The following WWOX variants were observed in gnomAD, a reference collection of about 807,000 sequenced individuals.
The protein encoded by WWOX is WW domain containing oxidoreductase, also known as WW domain-containing oxidoreductase.
Under a neutral mutation model 46.2 loss-of-function variants are expected in WWOX, and 69 were observed. The observed-to-expected ratio is 1.49, with a 90% CI of 1.23 to 1.82. WWOX has a LOEUF of 1.82. WWOX is among the 40% of genes most tolerant of loss of function. The probability of loss-of-function intolerance (pLI) is 0.00; values close to 1 mark genes in which losing one functional copy is unlikely to be tolerated. For synonymous variants in WWOX, 359 were observed against 202.6 expected (o/e 1.77, Z -6.56); for missense variants, 919 against 542.6 (o/e 1.69, Z -6.89).
At chr16:78,530,508 G>T (rs1352463669) in intron 8 of WWOX, among the ~76,000 whole-genome samples, 1 of 152,180 alleles carries the variant, frequency 6.6e-6, no homozygotes, top group South Asian at 2.1e-4. Context: ...TCCAACTGTG[G>T]TCTCTAATTT....
intron 8 of WWOX, among the ~76,000 whole-genome samples, chr16:78,903,006 A>G (rs557944270): frequency 6.6e-6 from 1 of 152,322 alleles, no homozygotes; most frequent in South Asian, 2.1e-4. Flanking sequence ...GGTTCTTGGC[A>G]TTTTGAAGAA....
intron 8 of WWOX, among the ~76,000 whole-genome samples, chr16:79,127,600 G>A (rs1206745503): frequency 2.0e-5 from 3 of 152,156 alleles, no homozygotes; most frequent in African/African-American, 7.2e-5. Context: ...CTTCCCACGT[G>A]CATGCATGTA....
intron 8 of WWOX, among the ~76,000 whole-genome samples, chr16:78,880,526 A>G (rs2044321561): frequency 6.6e-6 from 1 of 152,268 alleles, no homozygotes; most frequent in South Asian, 2.1e-4. Flanking sequence ...AATTAAGCAC[A>G]TAAGATGAAC....
chr16:79,090,280 CGTGTGTGTGTGT>C (rs61538157), intron 8 of WWOX, among the ~76,000 whole-genome samples: 13 of 138,378 alleles, frequency 9.4e-5, no homozygotes, highest in East Asian at 4.3e-4. Flanking sequence ...CTACTGTGTG[CGTGTGTGTGTGT>C]GTGTGTGTGT....
intron 8 of WWOX, among the ~76,000 whole-genome samples, chr16:78,580,312 A>G (rs1465761049): frequency 1.3e-5 from 2 of 152,026 alleles, no homozygotes; most frequent in African/African-American, 2.4e-5. Context: ...GCAGTACAGT[A>G]TTGCACCTTC....
chr16:78,822,755 C>G (rs942194423), intron 8 of WWOX, among the ~76,000 whole-genome samples: 1 of 152,018 alleles, frequency 6.6e-6, no homozygotes, highest in Non-Finnish European at 1.5e-5. Context: ...GGTTGGAATG[C>G]AAGGGAACTA....
At chr16:78,935,041 A>C (rs544178509) in intron 8 of WWOX, among the ~76,000 whole-genome samples, 1 of 152,348 alleles carries the variant, frequency 6.6e-6, no homozygotes, top group African/African-American at 2.4e-5. Flanking sequence ...ATGCAAATCA[A>C]AACCACAATG....
chr16:78,768,729 G>A (rs543441414), intron 8 of WWOX, among the ~76,000 whole-genome samples: 5 of 152,146 alleles, frequency 3.3e-5, no homozygotes, highest in Admixed American at 2.6e-4. Flanking sequence ...TTTAATTATC[G>A]GCGTGTTTTA....
rs139558849 is a variant in WWOX at position 78,973,797 on chromosome 16, G to T, written c.1057-237811G>T. ...CACAAGTTTCTGTGCTGATATGCGG[G>T]CAGGGGTTCGGGAGTGGGGGCACCA... On this transcript the variant is annotated intron_variant, in intron 8 of 8. Transcript: ENST00000566780. 4.0e-3 allele frequency among the ~76,000 whole-genome samples: 615 copies of T among 152,336 alleles called. 3 individuals are homozygous for T. Among genetic ancestry groups the T allele is most frequent in the African/African-American group, 0.013 (553 of 41,576 alleles).
chr16:78,832,894 A>G (rs2051870747), intron 8 of WWOX, among the ~76,000 whole-genome samples: 1 of 152,094 alleles, frequency 6.6e-6, no homozygotes. Context: ...ATGCAGTTCT[A>G]TTTATTTTTC....
At chr16:78,747,870 C>G (rs1389020468) in intron 8 of WWOX, among the ~76,000 whole-genome samples, 1 of 152,100 alleles carries the variant, frequency 6.6e-6, no homozygotes, top group African/African-American at 2.4e-5. Flanking sequence ...TTTCTCTCTG[C>G]CTCAGTTTTT....
chr16:78,828,606 CAT>C (rs1567588842), intron 8 of WWOX, among the ~76,000 whole-genome samples: 1 of 152,042 alleles, frequency 6.6e-6, no homozygotes, highest in African/African-American at 2.4e-5. Context: ...CTATCGGACA[CAT>C]GTCCTAATAA....
chr16:78,862,216 G>C (rs187457737), intron 8 of WWOX, among the ~76,000 whole-genome samples: 1 of 139,246 alleles, frequency 7.2e-6, no homozygotes, highest in Non-Finnish European at 1.7e-5. Flanking sequence ...ACACCTATGG[G>C]TGTGTCTGTC....
At chr16:79,069,357 A>G (rs575128076) in intron 8 of WWOX, among the ~76,000 whole-genome samples, 1 of 152,332 alleles carries the variant, frequency 6.6e-6, no homozygotes, top group East Asian at 1.9e-4. Context: ...GAGCCCAGTG[A>G]TTGGGAACAA....
intron 8 of WWOX, among the ~76,000 whole-genome samples, chr16:78,712,672 G>A (rs1257967645): frequency 6.6e-6 from 1 of 152,144 alleles, no homozygotes; most frequent in Admixed American, 6.6e-5. Flanking sequence ...AGTATTAAGA[G>A]AGTAGCCTTC....
In WWOX at chr16:78,578,278, A is replaced by T. The variant is rs562075700; in HGVS notation, c.1056+145526A>T. 9.5e-3 allele frequency among the ~76,000 whole-genome samples: 321 copies of T among 33,800 alleles called. 5 individuals are homozygous for T. The highest frequency in any genetic ancestry group is 0.047 in the East Asian group (64 of 1,366). 22.2% of individuals were successfully genotyped at this position (33,800 alleles called of 152,430 possible). A position where few individuals can be genotyped will look rare whatever the true frequency, so the allele number is the denominator to read the frequency against. ...TTTATATATATATATATATATATAT[A>T]TATATATTTTTTTTTTTTTTTTTTT... is the stretch of plus-strand genomic sequence containing the variant. On this transcript the variant is annotated intron_variant, in intron 8 of 8. Transcript: ENST00000566780.
At chr16:78,797,067 C>T (rs931029772) in intron 8 of WWOX, among the ~76,000 whole-genome samples, 3 of 152,024 alleles carry the variant, frequency 2.0e-5, no homozygotes, top group Non-Finnish European at 4.4e-5. Context: ...CTCAAGTGAT[C>T]CACCCACCTC....
chr16:79,003,041 C>T (rs921571509), intron 8 of WWOX, among the ~76,000 whole-genome samples: 1 of 152,196 alleles, frequency 6.6e-6, no homozygotes, highest in Non-Finnish European at 1.5e-5. Flanking sequence ...CACAGGGCCT[C>T]ACAGCACATT....
At chr16:78,749,653 C>A (rs1156519776) in intron 8 of WWOX, among the ~76,000 whole-genome samples, 3 of 152,126 alleles carry the variant, frequency 2.0e-5, no homozygotes, top group African/African-American at 7.2e-5. Context: ...GTTTTCTGGT[C>A]TAGCTAAGGA....
Sources: allele counts gnomAD v4.1 joint callset (sites outside exome capture counted in the v4.1 genomes callset), GRCh38; gene constraint gnomAD v4.1.1; transcripts MANE v1.5; gene names NCBI Gene and HGNC (gene_info 2026-07-23, HGNC 2026-07-21).